GPATCH8: variants seen among roughly 807,000 people sequenced by gnomAD.
The protein encoded by GPATCH8 is G-patch domain containing 8.
In GPATCH8, 18 loss-of-function variants were observed where a neutral mutation model predicts 118.3. That is an observed-to-expected ratio of 0.15 (90% CI 0.11 to 0.23). GPATCH8 has a LOEUF of 0.23. Among genes scored for constraint, GPATCH8 ranks in the 10% least tolerant of loss-of-function variants. GPATCH8 has a pLI of 1.00. For synonymous variants in GPATCH8, 659 were observed against 684.7 expected (o/e 0.96, Z 0.59); for missense variants, 1,631 against 1,873.8 (o/e 0.87, Z 2.39).
chr17:44,472,771 C>A (rs1299704305), intron 2 of GPATCH8, among the ~76,000 whole-genome samples: 1 of 152,114 alleles, frequency 6.6e-6, no homozygotes, highest in African/African-American at 2.4e-5. Flanking sequence ...TCTCGGCTCA[C>A]TGCAATCTCC....
rs1970052885 is a variant in GPATCH8, at chr17:44,501,372, G to A, written c.45+1954C>T. On this transcript the variant is annotated intron_variant, in intron 1 of 7. Transcript: ENST00000591680. ...GCAGAGGTTGCAGTGAGCCGAGATC[G>A]TGCCACTGCACTCCAGCCTGGGCGA... is the stretch of plus-strand genomic sequence containing the variant. Among the ~76,000 whole-genome samples, 4 of 151,728 alleles carry A rather than the reference G, an allele frequency of 2.6e-5. No homozygotes were observed. The South Asian group carries it at 6.3e-4, about 24-fold the overall frequency.
intron 6 of GPATCH8, 83 bp from the exon 7 acceptor site, chr17:44,406,134 C>CTGTTGGTTGAGGGTCATGT: frequency 2.1e-6 from 2 of 970,360 alleles, no homozygotes; most frequent in Non-Finnish European, 3.4e-6. Flanking sequence ...TAGGACATGA[C>CTGTTGGTTGAGGGTCATGT]CCTCAACCAA....
rs1333783531 is a variant in GPATCH8, at chr17:44,414,119, A to G, written c.493-8068T>C. On this transcript the variant is annotated intron_variant, in intron 6 of 7. Transcript: ENST00000591680. ...TATATATGTGTGTATATATATATGT[A>G]TATATATGTGTATATATATATATGT... Among the ~76,000 whole-genome samples, 5 of 31,712 alleles carry G rather than the reference A, an allele frequency of 1.6e-4. No individual in the cohort carries two copies. In the East Asian group the frequency reaches 3.0e-3, roughly 19 times the overall value. The allele number at this position is 31,712 out of a possible 152,430, so 20.8% of individuals were successfully genotyped here. A position where few individuals can be genotyped will look rare whatever the true frequency, so the allele number is the denominator to read the frequency against.
chr17:44,485,574 G>A, intron 1 of GPATCH8, among the ~76,000 whole-genome samples: 1 of 152,092 alleles, frequency 6.6e-6, no homozygotes, highest in Non-Finnish European at 1.5e-5. Context: ...TTCCTGCTGT[G>A]AGCCATCCCG....
intron 3 of GPATCH8, among the ~76,000 whole-genome samples, chr17:44,457,715 C>T (rs188587414): frequency 1.3e-5 from 2 of 152,312 alleles, no homozygotes; most frequent in South Asian, 2.1e-4. Flanking sequence ...GGGAGGATCA[C>T]ATGAGCCCAG....
chr17:44,427,291 G>A (rs1358988312), intron 5 of GPATCH8, among the ~76,000 whole-genome samples: 1 of 151,600 alleles, frequency 6.6e-6, no homozygotes, highest in Non-Finnish European at 1.5e-5. Flanking sequence ...GCCCAAGGCT[G>A]GATGTGAATT....
At chr17:44,411,612 T>C (rs2049435916) in intron 6 of GPATCH8, among the ~76,000 whole-genome samples, 1 of 152,176 alleles carries the variant, frequency 6.6e-6, no homozygotes, top group Non-Finnish European at 1.5e-5. Context: ...AAATCCCATG[T>C]TCTACATTTA....
In GPATCH8 at chr17:44,400,207, G is replaced by A. The variant is rs146542129; in HGVS notation, c.1870C>T (p.Arg624Cys). The A allele has an allele frequency of 1.3e-5, 21 of 1,613,966 alleles. No homozygotes were observed. The highest frequency in any genetic ancestry group is 9.3e-5 in the African/African-American group (7 of 74,896). The part of the protein sequence containing the change: ...SKEVGGEKIV[R>C]SSGGRMDAPA... ...GCGTCCATTCTGCCTCCTGAGGAAC[G>A]TACTATTTTCTCTCCGCCCACTTCC... The change falls in exon 8 of 8, where the codon CGT becomes TGT. Residue 624 changes from arginine (R) to cysteine (C), a missense_variant. Arg to Cys is a radical substitution (Grantham distance 180, BLOSUM62 -3). Coordinates refer to ENST00000591680, the MANE Select transcript of GPATCH8 (RefSeq NM_001002909.4).
At chr17:44,470,903 G>A (rs1373550178) in intron 2 of GPATCH8, among the ~76,000 whole-genome samples, 1 of 152,180 alleles carries the variant, frequency 6.6e-6, no homozygotes, top group Non-Finnish European at 1.5e-5. Flanking sequence ...CGGAGCTATG[G>A]CTTTAGATCA....
chr17:44,438,335 T>G (rs545290687), intron 3 of GPATCH8, among the ~76,000 whole-genome samples: 6 of 152,356 alleles, frequency 3.9e-5, no homozygotes, highest in Admixed American at 3.3e-4. Flanking sequence ...TCTGCATTAG[T>G]ACTTTTGCCT....
At chr17:44,456,006 C>T (rs962275716) in intron 3 of GPATCH8, among the ~76,000 whole-genome samples, 3 of 152,238 alleles carry the variant, frequency 2.0e-5, no homozygotes, top group Admixed American at 6.5e-5. Flanking sequence ...CTCGGCCTCC[C>T]AAAGTGCTGG....
intron 1 of GPATCH8, among the ~76,000 whole-genome samples, chr17:44,476,670 C>T: frequency 6.6e-6 from 1 of 152,120 alleles, no homozygotes; most frequent in Non-Finnish European, 1.5e-5. Flanking sequence ...ACTGATACCT[C>T]CCGGCTTTTC....
intron 6 of GPATCH8, among the ~76,000 whole-genome samples, chr17:44,420,239 G>C (rs1470546990): frequency 6.6e-6 from 1 of 152,056 alleles, no homozygotes; most frequent in Admixed American, 6.6e-5. Flanking sequence ...CTCTAAAGAA[G>C]AGTAATAAGT....
chr17:44,405,075 A>G (rs1241361904), intron 7 of GPATCH8, among the ~76,000 whole-genome samples: 2 of 152,184 alleles, frequency 1.3e-5, no homozygotes, highest in Non-Finnish European at 2.9e-5. Context: ...GAAATAATAA[A>G]TGTTTGAGAT....
At chr17:44,457,552 A>G (rs1177648702) in intron 3 of GPATCH8, among the ~76,000 whole-genome samples, 1 of 152,254 alleles carries the variant, frequency 6.6e-6, no homozygotes, top group Admixed American at 6.5e-5. Flanking sequence ...GTTATTACAT[A>G]GGAAGCAACT....
rs1423763271 is a variant in GPATCH8 at position 44,398,499 on chromosome 17, A to G, written c.3578T>C (p.Phe1193Ser). The change falls in exon 8 of 8, where the codon TTC becomes TCC. Residue 1193 changes from phenylalanine to serine, a missense_variant. Phe to Ser is a radical substitution (Grantham distance 155). Transcript: ENST00000591680. ...GGGGCCAGTTGTTTCCTCTGAAGGG[A>G]ACTGATGCCCAAATAGGGCATCACT... ...GSSDALFGHQFPSEETTGPLL... is the reference protein window; with the variant it reads ...GSSDALFGHQSPSEETTGPLL... The G allele has an allele frequency of 2.5e-6, 4 of 1,605,344 alleles. No individual in the cohort carries two copies. In the East Asian group the frequency reaches 8.9e-5, roughly 36 times the overall value.
chr17:44,433,631 C>T (rs1172547529), intron 5 of GPATCH8, among the ~76,000 whole-genome samples: 1 of 152,066 alleles, frequency 6.6e-6, no homozygotes, highest in African/African-American at 2.4e-5. Context: ...GATGATGAAA[C>T]ATGGTGTCAT....
chr17:44,465,433 T>G (rs2144309936), intron 2 of GPATCH8: 1 of 152,266 alleles, frequency 6.6e-6, no homozygotes, highest in Admixed American at 6.5e-5. Flanking sequence ...AATGTCAGCT[T>G]TCGTTTAAGG....
chr17:44,454,464 T>C (rs2051251368), intron 3 of GPATCH8, among the ~76,000 whole-genome samples: 1 of 152,224 alleles, frequency 6.6e-6, no homozygotes, highest in South Asian at 2.1e-4. Context: ...TAACTCACAT[T>C]TAAGGTCTTT....
Sources: gnomAD v4.1 joint callset for allele counts (sites outside exome capture counted in the v4.1 genomes callset) on GRCh38, gnomAD v4.1.1 for gene constraint, MANE v1.5 for transcripts, NCBI Gene and HGNC (gene_info 2026-07-23, HGNC 2026-07-21) for gene names.